The following MED16 variants were observed in gnomAD, a reference collection of about 807,000 sequenced individuals.
The protein encoded by MED16 is mediator complex subunit 16.
Under a neutral mutation model 84.4 loss-of-function variants are expected in MED16, and 81 were observed. The ratio of observed to expected loss-of-function variants is 0.96; its 90% confidence interval spans 0.80 to 1.15. The LOEUF is 1.15. MED16 is among the 50% of genes most tolerant of loss of function. MED16 has a pLI of 0.00. For missense variants in MED16, 1,585 were observed against 1,245.9 expected, an observed-to-expected ratio of 1.27 and a Z score of -4.10; for synonymous variants, 897 against 552.2, an observed-to-expected ratio of 1.62 and a Z score of -8.76.
In MED16 at chr19:871,972, G is replaced by A; in HGVS notation, c.2052C>T (p.Asp684=). The A allele has an allele frequency of 3.7e-6, 6 of 1,607,162 alleles. No individual in the cohort carries two copies. Among genetic ancestry groups the A allele is most frequent in the Non-Finnish European group, 5.1e-6 (6 of 1,177,704 alleles). Residue 684 remains aspartate, a synonymous_variant, in exon 12 of 16, where the codon GAC becomes GAT. Transcript: ENST00000325464. Reference sequence around the variant, plus strand: ...GCAGGCGGAAGAGCAGGGACATGCTGTCCTGGGTATCCGAGGTGGCCGTAT... The same window carrying A: ...GCAGGCGGAAGAGCAGGGACATGCTATCCTGGGTATCCGAGGTGGCCGTAT... ...PVYTATSDTQ[D]SMSLLFRLLT...
intron 4 of MED16, among the ~76,000 whole-genome samples, chr19:887,491 C>A (rs1419914316): frequency 1.3e-5 from 2 of 151,832 alleles, no homozygotes; most frequent in Non-Finnish European, 2.9e-5. Context: ...GATAGTGAAA[C>A]CCCGTCTCTA....
At chr19:875,190 TAAAA>T in intron 10 of MED16, 50 bp downstream of exon 10, 1 of 1,207,426 alleles carries the variant, frequency 8.3e-7, no homozygotes, top group African/African-American at 1.6e-5. Flanking sequence ...TAAATAAAAA[TAAAA>T]TAAATAGATG....
chr19:876,218 G>A (rs575732412), intron 9 of MED16, among the ~76,000 whole-genome samples: 84 of 152,280 alleles, frequency 5.5e-4, no homozygotes, highest in African/African-American at 1.5e-3. Flanking sequence ...CTGGTCCCAC[G>A]TGCAGCTGCC....
At chr19:871,544 A>T (rs778711464) in intron 12 of MED16, 24 of 1,583,458 alleles carry the variant, frequency 1.5e-5, no homozygotes, top group Admixed American at 3.5e-5. Flanking sequence ...GGATGTAAGA[A>T]TGACACAGCT....
intron 2 of MED16, among the ~76,000 whole-genome samples, chr19:890,576 T>C (rs1251613215): frequency 6.6e-6 from 1 of 152,248 alleles, no homozygotes; most frequent in Admixed American, 6.5e-5. Flanking sequence ...TTTTCTCTAA[T>C]GACCACGTAT....
At chr19:876,939 C>CCTGCCACGGGGCCCCAG (rs745820328) in intron 9 of MED16, 35 bp downstream of exon 9, 1 of 1,579,444 alleles carries the variant, frequency 6.3e-7, no homozygotes, top group East Asian at 2.3e-5. Flanking sequence ...AGGGCCCCCA[C>CCTGCCACGGGGCCCCAG]CTGCCACGGG....
At position 871,072 on chromosome 19, in the gene MED16, G is replaced by A. The variant is rs753015504; in HGVS notation, c.2280C>T (p.Gly760=). ...CGTCGAGCTGCAGGGTGGCAGCACT[G>A]CCAGGCAGCGTGGGCGCCCGGCCAA... is the stretch of plus-strand genomic sequence containing the variant. ...LQFGRAPTLP[G]SAATLQLDGL... The change falls in exon 13 of 16, where the codon GGC becomes GGT. Residue 760 remains glycine (G), a synonymous_variant. Transcript: ENST00000325464. The A allele has an allele frequency of 7.8e-6, 12 of 1,546,974 alleles. No homozygotes were observed. The highest frequency in any genetic ancestry group is 1.8e-4 in the Middle Eastern group (1 of 5,498).
chr19:877,012 G>C lies in MED16; in HGVS notation c.1522C>G (p.His508Asp). The change falls in exon 9 of 16, where the codon CAC becomes GAC. Residue 508 changes from histidine to aspartate, a missense_variant. By Grantham distance (81) the His-to-Asp change is moderately conservative. Coordinates refer to ENST00000325464, the MANE Select transcript of MED16 (RefSeq NM_005481.3). The stretch of plus-strand genomic sequence containing the variant: ...GCGGTCTGGCGCGTGTACTCCTCGT[G>C]CAGCTTCTCCACCAGGCTCTGTACC... The part of the protein sequence containing the change: ...SMVQSLVEKL[H>D]EEYTRQTAAL... 1.2e-6 allele frequency: 2 copies of C among 1,612,328 alleles called. No individual in the cohort carries two copies. Among genetic ancestry groups the C allele is most frequent in the Non-Finnish European group, 1.7e-6 (2 of 1,179,776 alleles).
At chr19:884,747 C>A (rs1365149834) in intron 6 of MED16, among the ~76,000 whole-genome samples, 156 bp downstream of exon 6, 2 of 152,204 alleles carry the variant, frequency 1.3e-5, no homozygotes, top group Non-Finnish European at 2.9e-5. Context: ...GCGGTCACAC[C>A]CGAGATCCTA....
At position 877,295 on chromosome 19, in the gene MED16, C is replaced by T. The variant is rs573115767; in HGVS notation, c.1354-115G>A. On this transcript the variant is annotated intron_variant, in intron 8 of 15. Transcript: ENST00000325464. ...GTGTGGATCTGTGTGCGCGCACGCC[C>T]GTGTGTGGGCCTGTGTGCGCGCATG... 214 of 941,306 alleles carry T rather than the reference C, an allele frequency of 2.3e-4. No homozygotes were observed. In the Admixed American group the frequency reaches 2.6e-3, roughly 12 times the overall value. The allele number at this position is 941,306 out of a possible 1,614,324, so 58.3% of individuals were successfully genotyped here.
intron 10 of MED16, among the ~76,000 whole-genome samples, chr19:873,825 C>A (rs1198045331): frequency 6.6e-6 from 1 of 152,114 alleles, no homozygotes; most frequent in African/African-American, 2.4e-5. Context: ...GGCCTGCAGG[C>A]CTTGGCGTGG....
intron 6 of MED16, among the ~76,000 whole-genome samples, chr19:883,481 G>A (rs1451069047): frequency 1.3e-5 from 2 of 151,728 alleles, no homozygotes; most frequent in East Asian, 1.9e-4. Flanking sequence ...GGCATGGTGG[G>A]CACGTGGGGC....
chr19:870,505 G>A (rs922189929), intron 13 of MED16, among the ~76,000 whole-genome samples: 3 of 151,628 alleles, frequency 2.0e-5, no homozygotes, highest in Non-Finnish European at 2.9e-5. Context: ...ACGTTGCAGT[G>A]GGCCAAGACG....
chr19:870,250 C>T (rs1165274399), intron 13 of MED16, among the ~76,000 whole-genome samples: 2 of 152,142 alleles, frequency 1.3e-5, no homozygotes, highest in South Asian at 2.1e-4. Flanking sequence ...TACAGCGAGG[C>T]CAACACACAA....
intron 4 of MED16, among the ~76,000 whole-genome samples, chr19:888,222 CAAAA>C (rs991256990): frequency 6.7e-6 from 1 of 148,236 alleles, no homozygotes; most frequent in Admixed American, 6.7e-5. Context: ...AACAAACAAA[CAAAA>C]AAGATAAAGG....
intron 8 of MED16, among the ~76,000 whole-genome samples, chr19:878,457 C>G (rs868155489): frequency 1.1e-3 from 141 of 132,902 alleles, no homozygotes; most frequent in Middle Eastern, 5.7e-3. Context: ...CCCGGCCCCA[C>G]GTGCCCCAGC....
At chr19:879,526 T>A (rs1416620440) in intron 8 of MED16, among the ~76,000 whole-genome samples, 1 of 91,380 alleles carries the variant, frequency 1.1e-5, no homozygotes, top group Non-Finnish European at 2.1e-5. Context: ...TCCCTGGTTG[T>A]CAATGCCTAC....
intron 10 of MED16, 95 bp downstream of exon 10, chr19:875,149 G>A (rs1181491707): frequency 1.5e-5 from 13 of 868,878 alleles, no homozygotes; most frequent in African/African-American, 5.2e-5. Flanking sequence ...GGGCAACAGA[G>A]TAAGACCCTA....
intron 8 of MED16, among the ~76,000 whole-genome samples, chr19:877,432 C>T (rs1029769343): frequency 5.6e-4 from 86 of 152,284 alleles, no homozygotes; most frequent in Non-Finnish European, 4.0e-4. Context: ...GGCTTACACT[C>T]GTCTGCTTTA....
Sources: allele counts gnomAD v4.1 joint callset (sites outside exome capture counted in the v4.1 genomes callset), GRCh38; gene constraint gnomAD v4.1.1; transcripts MANE v1.5; gene names NCBI Gene and HGNC (gene_info 2026-07-23, HGNC 2026-07-21).